The following CSMD2 variants were observed in gnomAD, a reference collection of about 807,000 sequenced individuals.
CSMD2 encodes the protein CUB and Sushi multiple domains 2, also known as CUB and sushi domain-containing protein 2.
A neutral mutation model predicts 398.5 loss-of-function variants in CSMD2; 130 were observed. That is an observed-to-expected ratio of 0.33 (90% CI 0.28 to 0.38). CSMD2 has a LOEUF of 0.38. Ranked by LOEUF, CSMD2 falls within the 10% of genes least tolerant of loss-of-function variation. CSMD2 has a pLI of 1.00. For synonymous variants in CSMD2, 1,828 were observed against 1,908.5 expected, an observed-to-expected ratio of 0.96 and a Z score of 1.10; for missense variants, 3,829 against 4,764.9, an observed-to-expected ratio of 0.80 and a Z score of 5.78.
intron 13 of CSMD2, among the ~76,000 whole-genome samples, chr1:33,770,185 T>C (rs575048620): frequency 2.0e-5 from 3 of 152,342 alleles, no homozygotes; most frequent in African/African-American, 4.8e-5. Context: ...AATATGATCA[T>C]AGAGGCTTAG....
At chr1:33,990,189 C>T (rs9286946) in intron 3 of CSMD2, among the ~76,000 whole-genome samples, 68,893 of 151,522 alleles carry the variant, frequency 0.45, 16,169 homozygotes, top group African/African-American at 0.58. Context: ...GGAGAATCAC[C>T]TGAACCTGGG....
intron 5 of CSMD2, among the ~76,000 whole-genome samples, chr1:33,908,085 C>CAAAAAAAAAAAAAAAAAAAA (rs35932181): frequency 5.2e-5 from 4 of 77,116 alleles, no homozygotes; most frequent in Non-Finnish European, 7.0e-5. Flanking sequence ...GACTCCATCT[C>CAAAAAAAAAAAAAAAAAAAA]AAAAAAAAAA....
At chr1:34,000,687 A>G (rs758015206) in intron 3 of CSMD2, among the ~76,000 whole-genome samples, 1 of 152,160 alleles carries the variant, frequency 6.6e-6, no homozygotes, top group East Asian at 1.9e-4. Flanking sequence ...GAAATGAATA[A>G]AGTAAAAGGC....
intron 9 of CSMD2, among the ~76,000 whole-genome samples, chr1:33,817,284 A>G (rs930678675): frequency 6.6e-6 from 1 of 152,148 alleles, no homozygotes; most frequent in African/African-American, 2.4e-5. Context: ...GGGGAGAAAA[A>G]AGAGAGAAGA....
At chr1:33,853,288 G>A (rs1183808746) in intron 5 of CSMD2, among the ~76,000 whole-genome samples, 1 of 152,152 alleles carries the variant, frequency 6.6e-6, no homozygotes, top group African/African-American at 2.4e-5. Flanking sequence ...CCTACTATGT[G>A]CCAGAAATTG....
rs750978696 is a variant in CSMD2, at chr1:33,577,396, G to C, written c.7476C>G (p.Gly2492=). The change falls in exon 49 of 71, where the codon GGC becomes GGG. Residue 2492 remains glycine (G), a synonymous_variant. Transcript: ENST00000373381. ...STQPGGSIHF[G]CNAGYRLVGH... is the part of the protein sequence containing the mutation. ...CCACCAGGCGGTAGCCGGCGTTGCA[G>C]CCAAAGTGGATGGAGCCCCCGGGCT... is the stretch of plus-strand genomic sequence containing the variant. 2.5e-6 allele frequency: 4 copies of C among 1,614,188 alleles called. No individual in the cohort carries two copies. In the Admixed American group the frequency reaches 5.0e-5, roughly 20 times the overall value.
chr1:33,725,951 C>T lies in CSMD2; in HGVS notation c.2508-415G>A, dbSNP rs139148302. Among the ~76,000 whole-genome samples the T allele has an allele frequency of 7.9e-5, 12 of 151,866 alleles. No individual in the cohort carries two copies. The East Asian group carries it at 2.3e-3, about 29-fold the overall frequency. On this transcript the variant is annotated intron_variant, in intron 16 of 70. Transcript: ENST00000373381. ...AAAAAAAAAAAAAGGCAAAGCAGAG[C>T]ATGCATCAGAGATATGCAAGTAGGC...
chr1:33,519,745 C>T lies in CSMD2; in HGVS notation c.10736+67G>A, dbSNP rs1418889719. 5.6e-6 allele frequency: 9 copies of T among 1,612,102 alleles called. No homozygotes were observed. The highest frequency in any genetic ancestry group is 3.3e-5 in the South Asian group (3 of 90,968). On this transcript the variant is annotated intron_variant, in intron 69 of 70. Transcript: ENST00000373381. This position sits in a 1 kb window ranked among gnomAD's most constrained non-coding sequence, Gnocchi z 5.6. The stretch of plus-strand genomic sequence containing the variant: ...CACAGAGAGGCTTAGGGGTCTGGTG[C>T]GGGGGGCCCTGGAGGGAGAGAGGGA...
At chr1:33,885,517 G>C (rs1486755002) in intron 5 of CSMD2, 5 of 152,120 alleles carry the variant, frequency 3.3e-5, no homozygotes, top group Non-Finnish European at 7.3e-5. Context: ...GGTCCAGAGA[G>C]AAACGCAGGG....
intron 11 of CSMD2, among the ~76,000 whole-genome samples, chr1:33,791,702 G>A (rs895316199): frequency 6.6e-6 from 1 of 152,122 alleles, no homozygotes; most frequent in Non-Finnish European, 1.5e-5. Flanking sequence ...TGCCCAGGCT[G>A]GTTTTGACCT....
intron 21 of CSMD2, among the ~76,000 whole-genome samples, chr1:33,710,293 C>T (rs1645940999): frequency 6.6e-6 from 1 of 152,144 alleles, no homozygotes; most frequent in African/African-American, 2.4e-5. Flanking sequence ...GCTGCCTGTC[C>T]TGTGTCCCCC....
intron 2 of CSMD2, among the ~76,000 whole-genome samples, chr1:34,077,598 G>A (rs956246897): frequency 4.4e-4 from 67 of 150,686 alleles, no homozygotes; most frequent in African/African-American, 1.4e-3. Context: ...TTAGTTGGGC[G>A]TGGTGGCGGG....
intron 1 of CSMD2, among the ~76,000 whole-genome samples, chr1:34,117,085 T>C (rs1661673022): frequency 6.6e-6 from 1 of 151,446 alleles, no homozygotes; most frequent in African/African-American, 2.4e-5. Context: ...GTAAAAGAAC[T>C]AGAGAAAGAA....
In CSMD2 at chr1:33,743,508, G is replaced by A. The variant is rs769998248; in HGVS notation, c.1945C>T (p.Leu649=). 3.7e-6 allele frequency: 6 copies of A among 1,613,950 alleles called. No homozygotes were observed. The highest frequency in any genetic ancestry group is 1.3e-5 in the African/African-American group (1 of 74,940). Residue 649 remains leucine (L), a synonymous_variant, in exon 14 of 71, where the codon CTG becomes TTG. Transcript: ENST00000373381. ...GNHLHCVWLI[L]ARPESRIHLA... is the part of the protein sequence containing the mutation. ...TGGATGCGGCTCTCAGGCCTGGCCA[G>A]GATGAGCCAGACACAGTGGAGGTGG...
chr1:34,105,818 G>A (rs1660474634), intron 1 of CSMD2, among the ~76,000 whole-genome samples: 2 of 152,194 alleles, frequency 1.3e-5, no homozygotes, highest in African/African-American at 4.8e-5. Context: ...TGTAACAACT[G>A]TAATGTTCTA....
At chr1:33,754,803 T>C (rs925807758) in intron 13 of CSMD2, among the ~76,000 whole-genome samples, 4 of 152,142 alleles carry the variant, frequency 2.6e-5, no homozygotes, top group Non-Finnish European at 5.9e-5. Context: ...GGATTGATCA[T>C]CTCTTATAAA....
intron 5 of CSMD2, among the ~76,000 whole-genome samples, chr1:33,891,809 A>G (rs199911913): frequency 1.3e-5 from 2 of 150,004 alleles, no homozygotes; most frequent in African/African-American, 4.9e-5. Context: ...ACAAAAAACC[A>G]AACACTGCAT....
intron 1 of CSMD2, among the ~76,000 whole-genome samples, chr1:34,092,425 C>G (rs1658682617): frequency 6.6e-6 from 1 of 152,164 alleles, no homozygotes; most frequent in Non-Finnish European, 1.5e-5. Context: ...CGAATAGGAA[C>G]AGCTCCCGTC....
At chr1:33,888,073 T>C (rs892544922) in intron 5 of CSMD2, among the ~76,000 whole-genome samples, 9 of 152,086 alleles carry the variant, frequency 5.9e-5, no homozygotes, top group African/African-American at 1.7e-4. Context: ...TTCACTAGAC[T>C]TATGTGATGA....
Sources: allele counts gnomAD v4.1 joint callset (sites outside exome capture counted in the v4.1 genomes callset), GRCh38; gene constraint gnomAD v4.1.1; non-coding constraint Gnocchi (gnomAD v3.1); transcripts MANE v1.5; gene names NCBI Gene and HGNC (gene_info 2026-07-23, HGNC 2026-07-21).